The following IL17RB variants were observed in gnomAD, a reference collection of about 807,000 sequenced individuals.
IL17RB encodes the protein interleukin-17 receptor B.
IL17RB carries 36 observed loss-of-function variants against 43.9 expected under a neutral mutation model. The ratio of observed to expected loss-of-function variants is 0.82; its 90% CI spans 0.63 to 1.08. IL17RB has a LOEUF of 1.08. Ranked by LOEUF, IL17RB falls within the 50% of genes least tolerant of loss-of-function variation. IL17RB has a pLI of 0.00. For synonymous variants in IL17RB, 225 were observed against 225.4 expected (o/e 1.00, Z 0.02); for missense variants, 613 against 613.6 (o/e 1.00, Z 0.01).
Position 53,865,382 on chromosome 3 carries a change from C to G in IL17RB, c.*74C>G. ...TACAGGGAAAAAACGTGTGATGATC[C>G]TGAAGCTTACTATGCAGCCTACAAA... On this transcript the variant is annotated 3_prime_UTR_variant, in exon 11 of 11. Coordinates refer to ENST00000288167, the MANE Select transcript of IL17RB (RefSeq NM_018725.4). 8.5e-7 allele frequency: 1 copy of G among 1,172,094 alleles called. No homozygotes were observed. The highest frequency in any genetic ancestry group is 1.5e-5 in the South Asian group (1 of 66,048). The allele number at this position is 1,172,094 out of a possible 1,614,324, so 72.6% of individuals were successfully genotyped here.
intron 2 of IL17RB, among the ~76,000 whole-genome samples, chr3:53,848,963 G>A (rs1417192352): frequency 6.6e-6 from 1 of 152,264 alleles, no homozygotes; most frequent in East Asian, 1.9e-4. Context: ...TGCAGAGGGA[G>A]ATCAAGGCCG....
At chr3:53,854,322 C>A (rs914665502) in intron 5 of IL17RB, among the ~76,000 whole-genome samples, 7 of 152,218 alleles carry the variant, frequency 4.6e-5, no homozygotes, top group Non-Finnish European at 7.3e-5. Flanking sequence ...AACTAAGAAA[C>A]CAACATTAGT....
At chr3:53,851,866 G>A (rs1699161831) in intron 3 of IL17RB, 133 bp from the exon 4 acceptor site, 1 of 1,009,858 alleles carries the variant, frequency 9.9e-7, no homozygotes, top group Non-Finnish European at 1.5e-6. Flanking sequence ...TGGAGACAGT[G>A]GTGCCTACCT....
chr3:53,865,201 C>A lies in IL17RB; in HGVS notation c.1402C>A (p.Leu468Ile), dbSNP rs772985238. Residue 468 changes from leucine (L) to isoleucine (I), a missense_variant, in exon 11 of 11, where the codon CTC becomes ATC. Physicochemically the swap from Leu to Ile is conservative, Grantham distance 5 (BLOSUM62 2). Transcript: ENST00000288167. ...TCTCAGTGTCTGCCCCAAGTACCAC[C>A]TCATGAAGGATGCCACTGCTTTCTG... ...NALSVCPKYH[L>I]MKDATAFCAE... The A allele has an allele frequency of 1.9e-6, 3 of 1,614,052 alleles. No individual in the cohort carries two copies. The highest frequency in any genetic ancestry group is 3.3e-5 in the Admixed American group (2 of 60,012).
chr3:53,856,767 T>C, intron 6 of IL17RB, 77 bp from the exon 7 acceptor site: 2 of 1,463,560 alleles, frequency 1.4e-6, no homozygotes, highest in Non-Finnish European at 1.9e-6. Flanking sequence ...TGGGTTTGTT[T>C]CCATAAAGCC....
rs143776255 is a variant in IL17RB at position 53,847,419 on chromosome 3, G to GTTGT, written c.60+773_60+776dup. Among the ~76,000 whole-genome samples the GTTGT allele has an allele frequency of 7.2e-3, 1,090 of 151,648 alleles. 13 individuals are homozygous for GTTGT. Among genetic ancestry groups the GTTGT allele is most frequent in the African/African-American group, 0.024 (1,003 of 41,216 alleles). ...CAATTTGAGCTTGGTAGCATTTAGG[G>GTTGT]TTGTTGCTTGGCCTCTCACCGGCCG... On this transcript the variant is annotated intron_variant, in intron 1 of 10. Transcript: ENST00000288167.
intron 3 of IL17RB, among the ~76,000 whole-genome samples, chr3:53,851,156 C>T (rs1206254872): frequency 1.3e-5 from 2 of 152,212 alleles, no homozygotes; most frequent in Non-Finnish European, 2.9e-5. Flanking sequence ...GTGAGCTACT[C>T]CTGGGATCCT....
intron 5 of IL17RB, among the ~76,000 whole-genome samples, chr3:53,853,518 G>A (rs1446881132): frequency 6.6e-6 from 1 of 152,244 alleles, no homozygotes; most frequent in African/African-American, 2.4e-5. Context: ...TCCCCAAGCT[G>A]TCCATGAGAG....
intron 10 of IL17RB, among the ~76,000 whole-genome samples, 180 bp from the exon 11 acceptor site, chr3:53,864,566 G>A (rs2232348): frequency 7.2e-5 from 11 of 152,162 alleles, no homozygotes; most frequent in African/African-American, 2.4e-4. Context: ...TTAAGCATCA[G>A]TGTGTTTCAG....
In IL17RB at chr3:53,846,655, C is replaced by G. The variant is rs574851861; in HGVS notation, c.60+7C>G. 1 of 1,589,754 alleles carries G rather than the reference C, an allele frequency of 6.3e-7. No homozygotes were observed. Among genetic ancestry groups the G allele is most frequent in the African/African-American group, 1.4e-5 (1 of 73,628 alleles). On this transcript the variant is annotated splice_region_variant and intron_variant, in intron 1 of 10. Coordinates refer to ENST00000288167, the MANE Select transcript of IL17RB (RefSeq NM_018725.4). ...CGCCGTACCCCGAGAGCCGGTAAGC[C>G]CCCGCCAGCACCTCTTCCCTCATCT...
At chr3:53,860,333 GAGTT>G in intron 10 of IL17RB, 105 bp downstream of exon 10, 1 of 828,508 alleles carries the variant, frequency 1.2e-6, no homozygotes, top group Non-Finnish European at 2.0e-6. Context: ...GCGTTTCCCA[GAGTT>G]AGATAGCATT....
intron 10 of IL17RB, among the ~76,000 whole-genome samples, chr3:53,863,093 AC>A (rs1466344598): frequency 1.3e-5 from 2 of 152,046 alleles, no homozygotes; most frequent in Non-Finnish European, 2.9e-5. Flanking sequence ...GATTTTAATT[AC>A]ATTTTTTTCT....
intron 6 of IL17RB, 136 bp downstream of exon 6, chr3:53,855,477 C>A: frequency 1.7e-6 from 1 of 596,360 alleles, no homozygotes. Context: ...ATGGTGGTGG[C>A]AGAAGCACCT....
intron 6 of IL17RB, 78 bp downstream of exon 6, chr3:53,855,419 A>C (rs1030524919): frequency 5.9e-6 from 6 of 1,019,250 alleles, no homozygotes; most frequent in Non-Finnish European, 9.1e-6. Flanking sequence ...TCATCTTTGC[A>C]CAGAAGAACT....
intron 5 of IL17RB, among the ~76,000 whole-genome samples, chr3:53,854,583 C>A (rs971074982): frequency 2.0e-5 from 3 of 152,206 alleles, no homozygotes; most frequent in African/African-American, 4.8e-5. Flanking sequence ...ACAGAGGTGC[C>A]GGGCCCTTCT....
intron 6 of IL17RB, among the ~76,000 whole-genome samples, chr3:53,855,797 G>T (rs1699313839): frequency 6.6e-6 from 1 of 152,196 alleles, no homozygotes; most frequent in African/African-American, 2.4e-5. Context: ...TTCGCTAAAG[G>T]ACTGGCCCAC....
At chr3:53,850,637 C>G (rs1204776620) in intron 3 of IL17RB, among the ~76,000 whole-genome samples, 1 of 151,604 alleles carries the variant, frequency 6.6e-6, no homozygotes, top group Non-Finnish European at 1.5e-5. Flanking sequence ...AACTCCATCT[C>G]TCCTAAAAAT....
rs770278772 is a variant in IL17RB, at chr3:53,864,964, G to GCAGA, written c.1168_1171dup (p.Lys391ArgfsTer10). ...GTGGCTTGCCACTCAAAAGAAGGCA[G>GCAGA]CAGACAAAGTCGTCTTCCTTCTTTC... On this transcript the variant is annotated frameshift_variant, in exon 11 of 11. Coordinates refer to ENST00000288167, the MANE Select transcript of IL17RB (RefSeq NM_018725.4). LOFTEE classifies it low-confidence loss of function (END_TRUNC). 4 of 1,614,188 alleles carry GCAGA rather than the reference G, an allele frequency of 2.5e-6. No homozygotes were observed.
intron 10 of IL17RB, among the ~76,000 whole-genome samples, chr3:53,861,828 A>C (rs1441961876): frequency 6.6e-6 from 1 of 152,184 alleles, no homozygotes; most frequent in South Asian, 2.1e-4. Flanking sequence ...GTGCAGATGA[A>C]AGTGTCCTCT....
Sources: gnomAD v4.1 joint callset for allele counts (sites outside exome capture counted in the v4.1 genomes callset) on GRCh38, gnomAD v4.1.1 for gene constraint, MANE v1.5 for transcripts, NCBI Gene and HGNC (gene_info 2026-07-23, HGNC 2026-07-21) for gene names.